Variants in SFMBT2 observed in about 807,000 individuals in gnomAD.
SFMBT2 encodes the protein Scm like with four mbt domains 2, also known as scm-like with four MBT domains protein 2.
SFMBT2 carries 38 observed loss-of-function variants against 110.1 expected under a neutral mutation model. The observed-to-expected ratio is 0.35, with a 90% CI of 0.27 to 0.45. The LOEUF (loss-of-function observed/expected upper bound fraction) is 0.45, where lower values mean the gene tolerates loss of function less well. SFMBT2 is among the 20% of genes least tolerant of loss of function. The pLI is 1.00. For synonymous variants in SFMBT2, 425 were observed against 425.4 expected, an observed-to-expected ratio of 1.00 and a Z score of 0.01; for missense variants, 1,011 against 1,094.9, an observed-to-expected ratio of 0.92 and a Z score of 1.08.
intron 4 of SFMBT2, among the ~76,000 whole-genome samples, chr10:7,315,027 A>G (rs6602238): frequency 0.43 from 59,642 of 139,202 alleles, 13,474 homozygotes; most frequent in East Asian, 0.63. Flanking sequence ...AAAGAGAGAG[A>G]AAGAAAGAAA....
At chr10:7,168,330 C>A (rs143996133) in intron 20 of SFMBT2, among the ~76,000 whole-genome samples, 2 of 152,170 alleles carry the variant, frequency 1.3e-5, no homozygotes, top group African/African-American at 2.4e-5. Context: ...AGCCCTCATA[C>A]CTAACCTGGG....
chr10:7,243,482 A>T, intron 9 of SFMBT2, 76 bp downstream of exon 9: 1 of 833,338 alleles, frequency 1.2e-6, no homozygotes, highest in Non-Finnish European at 2.1e-6. Context: ...CCCCAGATTA[A>T]TGCAGGTGTT....
Position 7,349,469 on chromosome 10 carries a change from G to T in SFMBT2, c.436+18180C>A, listed in dbSNP as rs543509201. Reference sequence around the variant, plus strand: ...TTTTTTTTTTTTTTTTTTTTTTTGCGGGGGGGAGACGGAGTTTTGCTCTTG... The same window carrying T: ...TTTTTTTTTTTTTTTTTTTTTTTGCTGGGGGGAGACGGAGTTTTGCTCTTG... On this transcript the variant is annotated intron_variant, in intron 4 of 20. Transcript: ENST00000397167. 4.3e-3 allele frequency among the ~76,000 whole-genome samples: 49 copies of T among 11,392 alleles called. No individual in the cohort carries two copies. The South Asian group carries it at 0.064, about 15-fold the overall frequency. The allele number at this position is 11,392 out of a possible 152,430, so 7.5% of individuals were successfully genotyped here. A position where few individuals can be genotyped will look rare whatever the true frequency, so the allele number is the denominator to read the frequency against.
intron 4 of SFMBT2, among the ~76,000 whole-genome samples, chr10:7,359,124 C>T: frequency 6.6e-6 from 1 of 152,222 alleles, no homozygotes; most frequent in East Asian, 1.9e-4. Context: ...AAGCCTGGAG[C>T]AGCCAGACAT....
chr10:7,197,439 ATGCCAGCTG>A, intron 15 of SFMBT2, 100 bp downstream of exon 15: 1 of 1,443,530 alleles, frequency 6.9e-7, no homozygotes, highest in Non-Finnish European at 9.4e-7. Context: ...GTCTCGGTAA[ATGCCAGCTG>A]AACTGCTTCC....
intron 4 of SFMBT2, among the ~76,000 whole-genome samples, chr10:7,312,569 T>C (rs1842889160): frequency 6.6e-6 from 1 of 152,216 alleles, no homozygotes; most frequent in Non-Finnish European, 1.5e-5. Context: ...GACAGCCTCA[T>C]GTTTCACCCA....
intron 7 of SFMBT2, among the ~76,000 whole-genome samples, chr10:7,269,822 TTTCTC>T (rs1841522987): frequency 1.7e-5 from 1 of 59,804 alleles, no homozygotes; most frequent in Non-Finnish European, 4.0e-5. Context: ...TGAGAGAAGA[TTTCTC>T]TTTTTTTTTT....
intron 7 of SFMBT2, among the ~76,000 whole-genome samples, chr10:7,272,468 G>A (rs1057498110): frequency 2.0e-5 from 3 of 152,172 alleles, no homozygotes; most frequent in African/African-American, 2.4e-5. Flanking sequence ...GTCCGAAACC[G>A]GGGGGTTGAC....
intron 9 of SFMBT2, chr10:7,228,293 C>T (rs1839959125): frequency 7.8e-6 from 4 of 511,760 alleles, no homozygotes; most frequent in African/African-American, 4.1e-5. Flanking sequence ...TGACATCTCC[C>T]TTCATAGGAA....
chr10:7,195,849 C>A (rs146818819), intron 15 of SFMBT2, among the ~76,000 whole-genome samples: 10 of 152,312 alleles, frequency 6.6e-5, no homozygotes, highest in Admixed American at 2.0e-4. Flanking sequence ...ATCGACTGGA[C>A]GCTCATGTGG....
intron 10 of SFMBT2, among the ~76,000 whole-genome samples, chr10:7,224,674 G>T (rs1839849796): frequency 6.6e-6 from 1 of 152,080 alleles, no homozygotes; most frequent in African/African-American, 2.4e-5. Flanking sequence ...CTGCTCTACA[G>T]GCAGAAGGGT....
intron 16 of SFMBT2, among the ~76,000 whole-genome samples, chr10:7,182,895 C>T (rs566072852): frequency 7.9e-5 from 12 of 152,018 alleles, no homozygotes; most frequent in Admixed American, 5.9e-4. Flanking sequence ...AAAAGAACCA[C>T]CAAAAAGCAT....
Position 7,408,019 on chromosome 10 carries a change from T to C in SFMBT2, c.-52+2842A>G, listed in dbSNP as rs941045912. The stretch of plus-strand genomic sequence containing the variant: ...AAACTTGGGCCCTTCGAGAACCCTG[T>C]GGAATGTTCTTTGTAATCAACTGTA... On this transcript the variant is annotated intron_variant, in intron 1 of 20. Coordinates refer to ENST00000397167, the MANE Select transcript of SFMBT2 (RefSeq NM_001387889.1). This position sits in a 1 kb window ranked among gnomAD's most constrained non-coding sequence, Gnocchi z 5.7. 6.6e-6 allele frequency among the ~76,000 whole-genome samples: 1 copy of C among 152,236 alleles called. No individual in the cohort carries two copies. The highest frequency in any genetic ancestry group is 2.4e-5 in the African/African-American group (1 of 41,464).
chr10:7,164,273 G>T, intron 20 of SFMBT2: 1 of 592,534 alleles, frequency 1.7e-6, no homozygotes, highest in Non-Finnish European at 2.1e-6. Context: ...TGTGATGCCA[G>T]CTACTCAGAG....
rs79953784 is a variant in SFMBT2 at position 7,233,120 on chromosome 10, A to G, written c.1121-5183T>C. Among the ~76,000 whole-genome samples, 787 of 152,320 alleles carry G rather than the reference A, an allele frequency of 5.2e-3. 7 individuals carry two copies. The highest frequency in any genetic ancestry group is 0.018 in the African/African-American group (743 of 41,560). On this transcript the variant is annotated intron_variant, in intron 9 of 20. Coordinates refer to ENST00000397167, the MANE Select transcript of SFMBT2 (RefSeq NM_001387889.1). ...CGAAAAATACATATACAATCTTAAT[A>G]AAAAATAAAAATAGCAAAGGAATAC...
chr10:7,407,384 G>A (rs1034538283), intron 1 of SFMBT2, among the ~76,000 whole-genome samples: 33 of 152,180 alleles, frequency 2.2e-4, no homozygotes, highest in Admixed American at 1.8e-3. Flanking sequence ...TACGGTGCAA[G>A]AGTGGAGGGG....
rs929117063 is a variant in SFMBT2 at position 7,170,991 on chromosome 10, G to C, written c.2481C>G (p.Thr827=). The C allele has an allele frequency of 6.2e-7, 1 of 1,614,132 alleles. No homozygotes were observed. The highest frequency in any genetic ancestry group is 2.2e-5 in the East Asian group (1 of 44,878). The change falls in exon 20 of 21, where the codon ACC becomes ACG. Residue 827 remains threonine (T), a synonymous_variant. Transcript: ENST00000397167. The surrounding 1 kb of genome is among the most constrained non-coding windows in gnomAD (Gnocchi z 4.6). The part of the protein sequence containing the change: ...LESNPLEWTV[T]DVVRFIKLTD... ...TCAGCTTAATGAACCTCACCACGTC[G>C]GTGACCGTCCACTCCAACGGGTTGC...
chr10:7,354,042 A>T lies in SFMBT2; in HGVS notation c.436+13607T>A, dbSNP rs1025808368. On this transcript the variant is annotated intron_variant, in intron 4 of 20. Transcript: ENST00000397167. ...TTGGAGGTTGCAGTGAGCCGAGATC[A>T]CGCTACTGCACTCCAGCCTGGGTGA... 3.3e-4 allele frequency among the ~76,000 whole-genome samples: 50 copies of T among 151,268 alleles called. 1 individual carries two copies. Among genetic ancestry groups the T allele is most frequent in the Non-Finnish European group, 5.2e-4 (35 of 67,820 alleles).
At chr10:7,188,850 T>A in intron 15 of SFMBT2, 117 bp from the exon 16 acceptor site, 7 of 788,244 alleles carry the variant, frequency 8.9e-6, no homozygotes, top group Non-Finnish European at 1.0e-5. Context: ...TACACCCACA[T>A]GAAGTGAAGA....
Sources: allele counts gnomAD v4.1 joint callset (sites outside exome capture counted in the v4.1 genomes callset), GRCh38; gene constraint gnomAD v4.1.1; non-coding constraint Gnocchi (gnomAD v3.1); transcripts MANE v1.5; gene names NCBI Gene and HGNC (gene_info 2026-07-23, HGNC 2026-07-21).